Variants in R3HDM2 observed in about 807,000 individuals in gnomAD.
R3HDM2 encodes the protein R3H domain-containing protein 2.
In R3HDM2, 38 loss-of-function variants were observed where a neutral mutation model predicts 124.5. The ratio of observed to expected loss-of-function variants is 0.31; its 90% CI spans 0.24 to 0.40. The LOEUF is 0.40. R3HDM2 is among the 10% of genes least tolerant of loss of function. The pLI is 1.00. For synonymous variants in R3HDM2, 391 were observed against 448.0 expected (o/e 0.87, Z 1.61); for missense variants, 869 against 1,236.9 (o/e 0.70, Z 4.46).
At chr12:57,330,261 T>A (rs2057947983) in intron 2 of R3HDM2, among the ~76,000 whole-genome samples, 1 of 151,736 alleles carries the variant, frequency 6.6e-6, no homozygotes, top group South Asian at 2.1e-4. Flanking sequence ...CCACCGTGCC[T>A]GGCCAGATTA....
chr12:57,369,356 T>C (rs931985738), intron 2 of R3HDM2, among the ~76,000 whole-genome samples: 6 of 152,190 alleles, frequency 3.9e-5, no homozygotes, highest in Non-Finnish European at 8.8e-5. Context: ...AAGACTTTCA[T>C]TGTAAACTGA....
chr12:57,348,693 CAAAAAAA>C (rs1168127324), intron 2 of R3HDM2, among the ~76,000 whole-genome samples: 1 of 25,132 alleles, frequency 4.0e-5, no homozygotes, highest in Non-Finnish European at 6.6e-5. Context: ...GACTCCGTCT[CAAAAAAA>C]AAAAAAAAAA....
At chr12:57,314,101 T>C (rs1325369220) in intron 2 of R3HDM2, among the ~76,000 whole-genome samples, 1 of 151,348 alleles carries the variant, frequency 6.6e-6, no homozygotes, top group Non-Finnish European at 1.5e-5. Context: ...GACAGGAGAA[T>C]CACTTGAACC....
chr12:57,334,000 C>T (rs879713364), intron 2 of R3HDM2, among the ~76,000 whole-genome samples: 2 of 151,878 alleles, frequency 1.3e-5, no homozygotes, highest in African/African-American at 2.4e-5. Context: ...GACTGCGCCA[C>T]TGCACTCCAG....
intron 1 of R3HDM2, among the ~76,000 whole-genome samples, chr12:57,429,802 A>AAC (rs1869261811): frequency 6.6e-6 from 1 of 150,682 alleles, no homozygotes; most frequent in Non-Finnish European, 1.5e-5. Flanking sequence ...ACAACAACAA[A>AAC]AAAAAGCATT....
chr12:57,305,623 A>G (rs1475573067), intron 3 of R3HDM2: 1 of 398,882 alleles, frequency 2.5e-6, no homozygotes, highest in African/African-American at 2.1e-5. Context: ...GAGGATATGG[A>G]GATAAAAGGC....
Position 57,375,058 on chromosome 12 carries a change from TA to T in R3HDM2, c.-36+20690del, listed in dbSNP as rs954991408. Reference sequence around the variant, plus strand: ...TGACATTCACATAAAATTAACCATTTAAAAAAAAAAATGACCAGACCAGACA... The same window carrying T: ...TGACATTCACATAAAATTAACCATTTAAAAAAAAAATGACCAGACCAGACA... On this transcript the variant is annotated intron_variant, in intron 2 of 23. Transcript: ENST00000402412. Among the ~76,000 whole-genome samples, 445 of 145,890 alleles carry T rather than the reference TA, an allele frequency of 3.1e-3. 1 individual carries two copies. Among genetic ancestry groups the T allele is most frequent in the African/African-American group, 8.2e-3 (328 of 40,048 alleles).
intron 2 of R3HDM2, among the ~76,000 whole-genome samples, chr12:57,339,379 G>A (rs981177291): frequency 3.3e-5 from 5 of 152,130 alleles, no homozygotes; most frequent in African/African-American, 1.2e-4. Context: ...ATTCCAGGGG[G>A]CAAGCATTCA....
At chr12:57,345,530 C>T (rs939029083) in intron 2 of R3HDM2, among the ~76,000 whole-genome samples, 9 of 150,998 alleles carry the variant, frequency 6.0e-5, no homozygotes, top group Non-Finnish European at 1.3e-4. Context: ...CACACACACA[C>T]ACACACACAC....
At chr12:57,386,671 C>T (rs1280136836) in intron 2 of R3HDM2, among the ~76,000 whole-genome samples, 3 of 152,250 alleles carry the variant, frequency 2.0e-5, no homozygotes, top group African/African-American at 4.8e-5. Context: ...GTGCAGGACT[C>T]GCAGGCAGCT....
At position 57,254,798 on chromosome 12, in the gene R3HDM2, A is replaced by G; in HGVS notation, c.2948T>C (p.Ile983Thr). The change falls in exon 24 of 24, where the codon ATC (isoleucine) becomes ACC (threonine). Residue 983 changes from isoleucine (I) to threonine (T), a missense_variant. Ile to Thr is a moderately conservative substitution (Grantham distance 89, BLOSUM62 -1). Around this residue, in one of 2 missense-constraint regions of R3HDM2, gnomAD observed 602 missense variants for 789.2 expected, o/e 0.76. Transcript: ENST00000402412. ...RMAKKNYDLR[I>T]LERASSQ ...TTATTGGGAGCTGGCTCGCTCCAGG[A>G]TCCTCAGGTCATAGTTCTTTTTGGC... The G allele has an allele frequency of 6.3e-7, 1 of 1,587,558 alleles. No homozygotes were observed. The highest frequency in any genetic ancestry group is 8.6e-7 in the Non-Finnish European group (1 of 1,161,906).
intron 2 of R3HDM2, among the ~76,000 whole-genome samples, chr12:57,386,843 G>A (rs1452263581): frequency 1.3e-5 from 2 of 152,210 alleles, no homozygotes; most frequent in Non-Finnish European, 1.5e-5. Context: ...TCAGCACCCT[G>A]TGTCTAGCTC....
chr12:57,284,073 G>A lies in R3HDM2; in HGVS notation c.939-17C>T. On this transcript the variant is annotated splice_polypyrimidine_tract_variant and intron_variant, in intron 12 of 23. Transcript: ENST00000402412. Reference sequence around the variant, plus strand: ...CGGTTCCCCCTGCAGAGACCATAGTGGTCAGAGCACCTCCCACCCACCACT... The same window carrying A: ...CGGTTCCCCCTGCAGAGACCATAGTAGTCAGAGCACCTCCCACCCACCACT... 1 of 1,574,312 alleles carries A rather than the reference G, an allele frequency of 6.4e-7. No homozygotes were observed. The highest frequency in any genetic ancestry group is 2.4e-5 in the East Asian group (1 of 42,174).
intron 16 of R3HDM2, 101 bp downstream of exon 16, chr12:57,269,222 G>A (rs2137398181): frequency 1.9e-6 from 3 of 1,554,738 alleles, no homozygotes; most frequent in South Asian, 2.4e-5. Flanking sequence ...AATCATTCCT[G>A]CCCCTAGACC....
At chr12:57,414,153 CTA>C (rs1207794053) in intron 1 of R3HDM2, among the ~76,000 whole-genome samples, 9 of 151,026 alleles carry the variant, frequency 6.0e-5, no homozygotes, top group Non-Finnish European at 1.2e-4. Context: ...CCAGCCCACT[CTA>C]TCTTTTTTTT....
At chr12:57,309,954 A>G (rs1221214757) in intron 3 of R3HDM2, among the ~76,000 whole-genome samples, 1 of 152,198 alleles carries the variant, frequency 6.6e-6, no homozygotes, top group Non-Finnish European at 1.5e-5. Context: ...GCTCACACCT[A>G]TAATCCCAGC....
chr12:57,309,911 T>C (rs1250015257), intron 3 of R3HDM2, among the ~76,000 whole-genome samples: 2 of 152,202 alleles, frequency 1.3e-5, no homozygotes, highest in Non-Finnish European at 2.9e-5. Flanking sequence ...TCCACTTTTA[T>C]TCAGGTATAA....
chr12:57,295,618 T>C (rs775771683), intron 9 of R3HDM2, 111 bp from the exon 10 acceptor site: 9 of 721,352 alleles, frequency 1.2e-5, no homozygotes, highest in Non-Finnish European at 1.6e-5. Flanking sequence ...CTCAGGGAAT[T>C]TCTGGAGTAA....
intron 5 of R3HDM2, among the ~76,000 whole-genome samples, chr12:57,299,720 A>G (rs1471471522): frequency 6.6e-6 from 1 of 152,186 alleles, no homozygotes; most frequent in African/African-American, 2.4e-5. Flanking sequence ...TGGCACAGGT[A>G]TTGAATGGGA....
Sources: gnomAD v4.1 joint callset for allele counts (sites outside exome capture counted in the v4.1 genomes callset) on GRCh38, gnomAD v4.1.1 for gene constraint, gnomAD v4.1.1 regional missense constraint, MANE v1.5 for transcripts, NCBI Gene and HGNC (gene_info 2026-07-23, HGNC 2026-07-21) for gene names.